The following BTC variants were observed in gnomAD, a reference collection of about 807,000 sequenced individuals.
BTC encodes the protein betacellulin.
BTC carries 13 observed loss-of-function variants against 18.1 expected under a neutral mutation model. The observed-to-expected ratio is 0.72, with a 90% CI of 0.47 to 1.14. The LOEUF (loss-of-function observed/expected upper bound fraction) is 1.14, where lower values mean the gene tolerates loss of function less well. Ranked by LOEUF, BTC falls within the 50% of genes most tolerant of loss-of-function variation. BTC has a pLI of 0.00. For missense variants in BTC, 247 were observed against 224.2 expected (o/e 1.10, Z -0.65); for synonymous variants, 83 against 79.4 (o/e 1.05, Z -0.24).
intron 4 of BTC, among the ~76,000 whole-genome samples, chr4:74,749,415 C>T (rs782509812): frequency 4.6e-5 from 7 of 151,772 alleles, no homozygotes; most frequent in Non-Finnish European, 7.4e-5. Flanking sequence ...GCCAAGATCA[C>T]GCCGTTGCAG....
chr4:74,750,567 A>G lies in BTC; in HGVS notation c.428+6T>C. 1 of 1,600,476 alleles carries G rather than the reference A, an allele frequency of 6.2e-7. No individual in the cohort carries two copies. The highest frequency in any genetic ancestry group is 8.5e-7 in the Non-Finnish European group (1 of 1,176,070). On this transcript the variant is annotated splice_donor_region_variant and intron_variant, in intron 4 of 5. Coordinates refer to ENST00000395743, the MANE Select transcript of BTC (RefSeq NM_001729.4). ...TTTACTTAAAATTAAGTTTAAAAAT[A>G]CTTACTGACAGCATGTGCAGACACC...
chr4:74,782,467 G>A (rs1725359094), intron 1 of BTC, among the ~76,000 whole-genome samples: 1 of 152,172 alleles, frequency 6.6e-6, no homozygotes, highest in Admixed American at 6.5e-5. Context: ...ATTCCGTGTT[G>A]TATATGTACC....
chr4:74,781,977 G>C (rs1725344120), intron 1 of BTC, among the ~76,000 whole-genome samples: 1 of 151,950 alleles, frequency 6.6e-6, no homozygotes, highest in African/African-American at 2.4e-5. Flanking sequence ...ATGTCACATA[G>C]TCTCACAAAA....
intron 1 of BTC, among the ~76,000 whole-genome samples, chr4:74,789,057 AC>A (rs1725554196): frequency 6.6e-6 from 1 of 152,214 alleles, no homozygotes; most frequent in Non-Finnish European, 1.5e-5. Flanking sequence ...GAAGCTACTG[AC>A]CTAGAAGGAC....
At chr4:74,752,454 C>T (rs1724489083) in intron 3 of BTC, among the ~76,000 whole-genome samples, 1 of 148,984 alleles carries the variant, frequency 6.7e-6, no homozygotes, top group African/African-American at 2.5e-5. Flanking sequence ...TTTCGGTTCA[C>T]TGCAACCTCC....
chr4:74,794,010 G>A (rs555058668), intron 1 of BTC, among the ~76,000 whole-genome samples: 32 of 152,170 alleles, frequency 2.1e-4, no homozygotes, highest in African/African-American at 7.5e-4. Flanking sequence ...TGGCAGCGAG[G>A]ACCTCGGAAT....
chr4:74,748,323 T>C (rs62316277), intron 4 of BTC, among the ~76,000 whole-genome samples, 174 bp from the exon 5 acceptor site: 37,335 of 151,938 alleles, frequency 0.25, 4,796 homozygotes, highest in Middle Eastern at 0.28. Context: ...CCGAGGCAGG[T>C]GGATCACAAG....
chr4:74,792,063 A>G (rs1002032967), intron 1 of BTC, among the ~76,000 whole-genome samples: 15 of 152,254 alleles, frequency 9.9e-5, no homozygotes, highest in African/African-American at 3.6e-4. Context: ...AGTAAATAGA[A>G]CAACATGTGA....
chr4:74,776,613 C>G (rs1404987935), intron 1 of BTC, among the ~76,000 whole-genome samples: 1 of 152,112 alleles, frequency 6.6e-6, no homozygotes, highest in Non-Finnish European at 1.5e-5. Flanking sequence ...ACAATACAAG[C>G]ATTCAAAAAG....
chr4:74,748,955 A>G (rs1724371781), intron 4 of BTC, among the ~76,000 whole-genome samples: 1 of 152,222 alleles, frequency 6.6e-6, no homozygotes. Flanking sequence ...TAAACCTGGC[A>G]TAATATTTCT....
At chr4:74,779,167 T>G (rs980265909) in intron 1 of BTC, among the ~76,000 whole-genome samples, 1 of 152,192 alleles carries the variant, frequency 6.6e-6, no homozygotes, top group Non-Finnish European at 1.5e-5. Context: ...AATATCTTGG[T>G]GTTTAGGAAA....
intron 1 of BTC, among the ~76,000 whole-genome samples, chr4:74,781,727 A>G (rs1725337632): frequency 6.6e-6 from 1 of 151,872 alleles, no homozygotes; most frequent in Non-Finnish European, 1.5e-5. Flanking sequence ...TAAAATACAT[A>G]TAACAAAAAA....
At chr4:74,794,179 C>T (rs1725708833) in intron 1 of BTC, 83 bp downstream of exon 1, 2 of 1,518,762 alleles carry the variant, frequency 1.3e-6, no homozygotes, top group African/African-American at 2.8e-5. Context: ...GTCCAGATGC[C>T]AGCTCGGTTC....
At chr4:74,780,947 T>C (rs1725308206) in intron 1 of BTC, among the ~76,000 whole-genome samples, 2 of 151,720 alleles carry the variant, frequency 1.3e-5, no homozygotes, top group South Asian at 4.2e-4. Context: ...TCAGGGTACA[T>C]GTGCACAATG....
chr4:74,748,254 A>G (rs782214421), intron 4 of BTC, 105 bp from the exon 5 acceptor site: 35 of 699,282 alleles, frequency 5.0e-5, no homozygotes, highest in Non-Finnish European at 4.1e-5. Flanking sequence ...TTAAAAAAAT[A>G]TTTAGGGTTC....
chr4:74,763,039 G>C (rs1724804909), intron 2 of BTC, among the ~76,000 whole-genome samples: 1 of 152,106 alleles, frequency 6.6e-6, no homozygotes, highest in African/African-American at 2.4e-5. Flanking sequence ...TGTATTTCTG[G>C]TTTCTCATTG....
chr4:74,778,596 C>A (rs1725237508), intron 1 of BTC, among the ~76,000 whole-genome samples: 1 of 152,100 alleles, frequency 6.6e-6, no homozygotes, highest in Non-Finnish European at 1.5e-5. Flanking sequence ...AAAATTCATA[C>A]CTTGAAGCAG....
At chr4:74,748,844 G>A (rs1577944914) in intron 4 of BTC, among the ~76,000 whole-genome samples, 1 of 152,148 alleles carries the variant, frequency 6.6e-6, no homozygotes, top group East Asian at 1.9e-4. Flanking sequence ...TAAGAAATGT[G>A]TTAGATTTCC....
At chr4:74,792,940 A>G (rs1313940991) in intron 1 of BTC, among the ~76,000 whole-genome samples, 1 of 152,220 alleles carries the variant, frequency 6.6e-6, no homozygotes, top group Non-Finnish European at 1.5e-5. Flanking sequence ...GTTTTATTTT[A>G]GGAATCTCAT....
Sources: gnomAD v4.1 joint callset for allele counts (sites outside exome capture counted in the v4.1 genomes callset) on GRCh38, gnomAD v4.1.1 for gene constraint, MANE v1.5 for transcripts, NCBI Gene and HGNC (gene_info 2026-07-23, HGNC 2026-07-21) for gene names.